Variants in LUZP2 observed in about 807,000 individuals in gnomAD.
The protein encoded by LUZP2 is leucine zipper protein 2.
Under a neutral mutation model 51.6 loss-of-function variants are expected in LUZP2, and 52 were observed. The observed-to-expected ratio is 1.01, with a 90% CI of 0.81 to 1.27. LUZP2 has a LOEUF of 1.27. Among genes scored for constraint, LUZP2 ranks in the 50% most tolerant of loss-of-function variants. The pLI, the probability that LUZP2 is intolerant of heterozygous loss-of-function variation, is 0.00. For synonymous variants in LUZP2, 154 were observed against 137.3 expected (o/e 1.12, Z -0.85); for missense variants, 436 against 395.4 (o/e 1.10, Z -0.87).
chr11:24,635,635 C>T (rs1855071861), intron 1 of LUZP2, among the ~76,000 whole-genome samples: 1 of 152,130 alleles, frequency 6.6e-6, no homozygotes, highest in African/African-American at 2.4e-5. Context: ...GCATTTCTAT[C>T]TCACTGTCTT....
intron 1 of LUZP2, among the ~76,000 whole-genome samples, chr11:24,718,154 G>A (rs565010477): frequency 1.3e-5 from 2 of 152,280 alleles, no homozygotes; most frequent in East Asian, 3.9e-4. Context: ...AAGAGTGAGC[G>A]GGTTGTGTGG....
intron 1 of LUZP2, among the ~76,000 whole-genome samples, chr11:24,607,784 C>T (rs1476736651): frequency 6.7e-6 from 1 of 148,972 alleles, no homozygotes; most frequent in Non-Finnish European, 1.5e-5. Context: ...AATATATCTA[C>T]CTAATTCATT....
chr11:24,711,314 G>C (rs1274483013), intron 1 of LUZP2, among the ~76,000 whole-genome samples: 1 of 152,042 alleles, frequency 6.6e-6, no homozygotes, highest in Middle Eastern at 3.2e-3. Context: ...GCCGGGTGTG[G>C]CGGCGGGTGC....
Position 24,901,361 on chromosome 11 carries a change from GA to G in LUZP2, c.397-4626del, listed in dbSNP as rs1853274926. On this transcript the variant is annotated intron_variant, in intron 5 of 11. Transcript: ENST00000336930. Reference sequence around the variant, plus strand: ...GCACAAGTAACTGGATGTTTGCAATGAAAACTAAAAGTGAACTTTGACCCTT... The same window carrying G: ...GCACAAGTAACTGGATGTTTGCAATGAAACTAAAAGTGAACTTTGACCCTT... Among the ~76,000 whole-genome samples the G allele has an allele frequency of 3.4e-5, 5 of 148,316 alleles. No individual in the cohort carries two copies. The South Asian group carries it at 1.1e-3, about 32-fold the overall frequency.
chr11:24,648,710 G>A (rs1855537140), intron 1 of LUZP2, among the ~76,000 whole-genome samples: 1 of 151,694 alleles, frequency 6.6e-6, no homozygotes, highest in Non-Finnish European at 1.5e-5. Context: ...AGAACTGTGT[G>A]GATACTAGAA....
At chr11:24,737,910 C>T (rs1407082509) in intron 3 of LUZP2, among the ~76,000 whole-genome samples, 1 of 152,012 alleles carries the variant, frequency 6.6e-6, no homozygotes, top group Non-Finnish European at 1.5e-5. Flanking sequence ...ATCTTTTCAA[C>T]TTGAATTATA....
rs1215786412 is a variant in LUZP2 at position 24,826,190 on chromosome 11, A to AAAAATATATATATATAT, written c.396+62883_396+62884insAAATATATATATATATA. ...GACTCCATCTCAAAAAAAAAAAAAA[A>AAAAATATATATATATAT]ATATATATATATATATATAGTAAAA... On this transcript the variant is annotated intron_variant, in intron 5 of 11. Coordinates refer to ENST00000336930, the MANE Select transcript of LUZP2 (RefSeq NM_001009909.4). 2.1e-3 allele frequency among the ~76,000 whole-genome samples: 142 copies of AAAAATATATATATATAT among 67,520 alleles called. 1 individual carries two copies. Among genetic ancestry groups the AAAAATATATATATATAT allele is most frequent in the African/African-American group, 3.6e-3 (61 of 16,976 alleles). 44.3% of individuals were successfully genotyped at this position (67,520 alleles called of 152,430 possible). A position where few individuals can be genotyped will look rare whatever the true frequency, so the allele number is the denominator to read the frequency against.
intron 7 of LUZP2, among the ~76,000 whole-genome samples, chr11:24,960,283 T>G (rs966465736): frequency 3.3e-5 from 5 of 152,172 alleles, no homozygotes; most frequent in African/African-American, 9.7e-5. Context: ...TTAGGGAGGA[T>G]TCCCTCTTTT....
intron 1 of LUZP2, among the ~76,000 whole-genome samples, chr11:24,663,093 A>G (rs1856076119): frequency 6.6e-6 from 1 of 152,150 alleles, no homozygotes; most frequent in Admixed American, 6.6e-5. Flanking sequence ...CTAGCCATCT[A>G]CCTAAGCATA....
chr11:24,535,394 C>T (rs1198931390), intron 1 of LUZP2, among the ~76,000 whole-genome samples: 1 of 151,560 alleles, frequency 6.6e-6, no homozygotes, highest in Non-Finnish European at 1.5e-5. Flanking sequence ...AGTAAAGCCT[C>T]TTTCAAAATT....
At chr11:24,890,394 T>C (rs1852808769) in intron 5 of LUZP2, among the ~76,000 whole-genome samples, 1 of 152,316 alleles carries the variant, frequency 6.6e-6, no homozygotes, top group South Asian at 2.1e-4. Context: ...ATCTAGAATA[T>C]AGATGTTTTC....
chr11:24,945,041 T>C (rs1401823394), intron 7 of LUZP2, among the ~76,000 whole-genome samples: 1 of 152,154 alleles, frequency 6.6e-6, no homozygotes, highest in Non-Finnish European at 1.5e-5. Flanking sequence ...TGCAGCGAAA[T>C]TGTAAGTTCT....
chr11:24,790,815 A>G (rs1849384459), intron 5 of LUZP2, among the ~76,000 whole-genome samples: 1 of 151,790 alleles, frequency 6.6e-6, no homozygotes, highest in African/African-American at 2.4e-5. Flanking sequence ...CCTTTTATTC[A>G]TTGTCTTTGT....
intron 1 of LUZP2, among the ~76,000 whole-genome samples, chr11:24,531,823 A>T (rs1851008223): frequency 6.6e-6 from 1 of 150,988 alleles, no homozygotes. Context: ...TATACACATT[A>T]GCTTAAGACA....
intron 10 of LUZP2, among the ~76,000 whole-genome samples, chr11:25,067,565 T>G (rs1465666527): frequency 6.6e-6 from 1 of 151,876 alleles, no homozygotes; most frequent in Non-Finnish European, 1.5e-5. Context: ...CCAAGAAACA[T>G]GTGAAAAATG....
At chr11:24,949,759 T>G (rs1855021821) in intron 7 of LUZP2, among the ~76,000 whole-genome samples, 2 of 151,672 alleles carry the variant, frequency 1.3e-5, no homozygotes, top group Non-Finnish European at 3.0e-5. Flanking sequence ...GTGGATATTT[T>G]CATACACAAT....
chr11:24,734,653 T>C (rs879832225), intron 3 of LUZP2, among the ~76,000 whole-genome samples: 1 of 151,866 alleles, frequency 6.6e-6, no homozygotes, highest in African/African-American at 2.4e-5. Flanking sequence ...TTTTTTGCTG[T>C]TTACCTAAAA....
chr11:24,501,260 C>T (rs1849984325), intron 1 of LUZP2, among the ~76,000 whole-genome samples: 1 of 152,188 alleles, frequency 6.6e-6, no homozygotes, highest in Admixed American at 6.5e-5. Flanking sequence ...ACCTTAGTCA[C>T]CTATTTCCAA....
intron 9 of LUZP2, among the ~76,000 whole-genome samples, chr11:24,983,884 G>A (rs187159192): frequency 6.6e-6 from 1 of 150,796 alleles, no homozygotes; most frequent in Admixed American, 6.6e-5. Flanking sequence ...TTTAAGGTGC[G>A]TTCAAGTTTA....
Sources: gnomAD v4.1 joint callset for allele counts (sites outside exome capture counted in the v4.1 genomes callset) on GRCh38, gnomAD v4.1.1 for gene constraint, MANE v1.5 for transcripts, NCBI Gene and HGNC (gene_info 2026-07-23, HGNC 2026-07-21) for gene names.